CAPN3: variants seen among roughly 807,000 people sequenced by gnomAD.
CAPN3 encodes calpain 3, also known as calpain-3.
In CAPN3, 88 loss-of-function variants were observed where a neutral mutation model predicts 114.0. That is an observed-to-expected ratio of 0.77 (90% CI 0.65 to 0.92). CAPN3 has a LOEUF of 0.92. CAPN3 is among the 40% of genes least tolerant of loss of function. The pLI is 0.00. For synonymous variants in CAPN3, 386 were observed against 382.9 expected, an observed-to-expected ratio of 1.01 and a Z score of -0.09; for missense variants, 1,028 against 1,069.0, an observed-to-expected ratio of 0.96 and a Z score of 0.53.
intron 7 of CAPN3, among the ~76,000 whole-genome samples, chr15:42,393,467 G>C (rs2053610996): frequency 6.6e-6 from 1 of 152,252 alleles, no homozygotes; most frequent in Non-Finnish European, 1.5e-5. Context: ...CAGTTGGGCA[G>C]GTTGTGCCCT....
Position 42,389,884 on chromosome 15 carries a change from C to G in CAPN3, c.802-69C>G. On this transcript the variant is annotated intron_variant, in intron 5 of 23. Transcript: ENST00000397163. ...CCATCTCTTTCTCCTCTCTCCTTCC[C>G]TTTCCACCCTTCTGTGTTTGTTCTC... The G allele has an allele frequency of 3.2e-6, 5 of 1,543,290 alleles. No homozygotes were observed. The South Asian group carries it at 4.5e-5, about 14-fold the overall frequency.
chr15:42,402,181 G>A (rs747953786), intron 12 of CAPN3, 46 bp downstream of exon 12: 63 of 1,613,608 alleles, frequency 3.9e-5, no homozygotes, highest in South Asian at 2.2e-5. Flanking sequence ...CACTACCCAG[G>A]GGGCCCCGAG....
intron 7 of CAPN3, among the ~76,000 whole-genome samples, chr15:42,393,337 A>G (rs2053608917): frequency 6.6e-6 from 1 of 152,108 alleles, no homozygotes; most frequent in East Asian, 1.9e-4. Flanking sequence ...TTGATCCACA[A>G]TTGGTTATAT....
At chr15:42,372,640 G>A (rs1316316198) in intron 1 of CAPN3, among the ~76,000 whole-genome samples, 2 of 152,064 alleles carry the variant, frequency 1.3e-5, no homozygotes, top group Non-Finnish European at 2.9e-5. Flanking sequence ...CTGAAGTCAG[G>A]ACTTCAAGAC....
Position 42,359,830 on chromosome 15 carries a change from G to C in CAPN3, c.25G>C (p.Val9Leu), listed in dbSNP as rs2052590373. Residue 9 changes from valine to leucine, a missense_variant, in exon 1 of 24, where the codon GTG (valine) becomes CTG (leucine). Val to Leu is a conservative substitution (Grantham distance 32, BLOSUM62 1). Coordinates refer to ENST00000397163, the MANE Select transcript of CAPN3 (RefSeq NM_000070.3). ...CATGCCGACCGTCATTAGCGCATCT[G>C]TGGCTCCAAGGACAGCGGCTGAGCC... is the stretch of plus-strand genomic sequence containing the variant. MPTVISAS[V>L]APRTAAEPRS... The C allele has an allele frequency of 4.3e-6, 7 of 1,614,004 alleles. No homozygotes were observed. Among genetic ancestry groups the C allele is most frequent in the Non-Finnish European group, 5.1e-6 (6 of 1,180,046 alleles).
intron 10 of CAPN3, among the ~76,000 whole-genome samples, chr15:42,401,020 C>T (rs2053847203): frequency 1.3e-5 from 2 of 151,978 alleles, no homozygotes; most frequent in Admixed American, 6.6e-5. Flanking sequence ...ATGGTGAAAA[C>T]CCATCTCTAC....
Position 42,393,829 on chromosome 15 carries a change from G to A in CAPN3, c.1030-427G>A, listed in dbSNP as rs888002252. 6.6e-5 allele frequency among the ~76,000 whole-genome samples: 10 copies of A among 151,596 alleles called. No individual in the cohort carries two copies. The East Asian group carries it at 1.8e-3, about 27-fold the overall frequency. ...AGGCTGGTCTCGAACTCCTGACCTC[G>A]TGATCCGCCCACCTCGGCCTCTCAA... On this transcript the variant is annotated intron_variant, in intron 7 of 23. Coordinates refer to ENST00000397163, the MANE Select transcript of CAPN3 (RefSeq NM_000070.3).
At chr15:42,370,008 G>C (rs12324476) in intron 1 of CAPN3, among the ~76,000 whole-genome samples, 1 of 151,884 alleles carries the variant, frequency 6.6e-6, no homozygotes, top group East Asian at 1.9e-4. Flanking sequence ...AAGTAGCTGA[G>C]ATTACAGGTG....
chr15:42,393,634 C>T (rs1167722512), intron 7 of CAPN3, among the ~76,000 whole-genome samples: 1 of 148,314 alleles, frequency 6.7e-6, no homozygotes, highest in Non-Finnish European at 1.5e-5. Context: ...CACTCTGTTG[C>T]CCAGGCTGGA....
At chr15:42,365,451 C>T (rs1466707863) in intron 1 of CAPN3, among the ~76,000 whole-genome samples, 1 of 152,170 alleles carries the variant, frequency 6.6e-6, no homozygotes, top group African/African-American at 2.4e-5. Flanking sequence ...TCATCGCAAC[C>T]TTCTGCTTAG....
rs913092246 is a variant in CAPN3, at chr15:42,412,155, G to T, written c.*382G>T. 1 of 1,535,938 alleles carries T rather than the reference G, an allele frequency of 6.5e-7. No individual in the cohort carries two copies. Among genetic ancestry groups the T allele is most frequent in the Non-Finnish European group, 8.7e-7 (1 of 1,146,894 alleles). On this transcript the variant is annotated 3_prime_UTR_variant, in exon 24 of 24. Transcript: ENST00000397163. ...TGCTAGAGCCCTCCATCACCTTCAC[G>T]CTGTCCCACCATGGGCCAGGAACCA...
intron 8 of CAPN3, among the ~76,000 whole-genome samples, chr15:42,396,139 A>T (rs28364462): frequency 6.6e-6 from 1 of 152,114 alleles, no homozygotes; most frequent in Non-Finnish European, 1.5e-5. Flanking sequence ...TCCTTTTGCA[A>T]TTGAGGAAGC....
rs4924675 is a variant in CAPN3 at position 42,388,859 on chromosome 15, G to A, written c.633-69G>A. The A allele has an allele frequency of 0.1, 134,799 of 1,296,832 alleles. 8,467 individuals are homozygous for A. Among genetic ancestry groups the A allele is most frequent in the Admixed American group, 0.21 (12,618 of 59,602 alleles). The allele number at this position is 1,296,832 out of a possible 1,614,324, so 80.3% of individuals were successfully genotyped here. A position where few individuals can be genotyped will look rare whatever the true frequency, so the allele number is the denominator to read the frequency against. ...AGCATCCAAGAGGTAAAGTTCTGGT[G>A]GCAGTGGTACCTGGGTTTTGTTCCC... On this transcript the variant is annotated intron_variant, in intron 4 of 23. Transcript: ENST00000397163.
At chr15:42,394,138 G>A (rs772270301) in intron 7 of CAPN3, 118 bp from the exon 8 acceptor site, 3 of 939,680 alleles carry the variant, frequency 3.2e-6, no homozygotes, top group Non-Finnish European at 5.1e-6. Flanking sequence ...GCCAGAGCCA[G>A]GCAGAACACC....
Position 42,360,205 on chromosome 15 carries a change from C to T in CAPN3, c.309+91C>T, listed in dbSNP as rs542061640. On this transcript the variant is annotated intron_variant, in intron 1 of 23. Coordinates refer to ENST00000397163, the MANE Select transcript of CAPN3 (RefSeq NM_000070.3). ...CCGGCAGCTCAGCTGTGCACATGGG[C>T]ACTGGGGGAAGGATCCTGGCAGCAG... 50 of 1,385,670 alleles carry T rather than the reference C, an allele frequency of 3.6e-5. No individual in the cohort carries two copies. The East Asian group carries it at 1.1e-3, about 30-fold the overall frequency. The allele number at this position is 1,385,670 out of a possible 1,614,324, so 85.8% of individuals were successfully genotyped here. A position where few individuals can be genotyped will look rare whatever the true frequency, so the allele number is the denominator to read the frequency against.
chr15:42,407,510 T>C (rs2054058084), intron 15 of CAPN3, among the ~76,000 whole-genome samples: 1 of 152,154 alleles, frequency 6.6e-6, no homozygotes, highest in Non-Finnish European at 1.5e-5. Context: ...TTTGTATCTT[T>C]AGTAGAGATG....
intron 13 of CAPN3, among the ~76,000 whole-genome samples, chr15:42,403,510 C>G (rs1320327505): frequency 6.6e-6 from 1 of 152,092 alleles, no homozygotes; most frequent in African/African-American, 2.4e-5. Context: ...GTGGCTGGGT[C>G]ATGCCTTTGG....
chr15:42,381,489 A>G lies in CAPN3; in HGVS notation c.310-2994A>G, dbSNP rs561496672. Among the ~76,000 whole-genome samples, 26 of 152,290 alleles carry G rather than the reference A, an allele frequency of 1.7e-4. No homozygotes were observed. The East Asian group carries it at 5.0e-3, about 29-fold the overall frequency. ...TAGTTGTTCATTGCCCGAACACTAT[A>G]GGCAATATATTACATACTTTACATC... is the stretch of plus-strand genomic sequence containing the variant. On this transcript the variant is annotated intron_variant, in intron 1 of 23. Transcript: ENST00000397163.
At chr15:42,410,115 C>T (rs1200129357) in intron 19 of CAPN3, 120 bp downstream of exon 19, 3 of 911,108 alleles carry the variant, frequency 3.3e-6, no homozygotes, top group South Asian at 1.3e-5. Context: ...CTTAAGGAGA[C>T]CCTGATTCAG....
Sources: allele counts gnomAD v4.1 joint callset (sites outside exome capture counted in the v4.1 genomes callset), GRCh38; gene constraint gnomAD v4.1.1; transcripts MANE v1.5; gene names NCBI Gene and HGNC (gene_info 2026-07-23, HGNC 2026-07-21).